SPON1: variants seen among roughly 807,000 people sequenced by gnomAD.
SPON1 encodes spondin-1.
In SPON1, 52 loss-of-function variants were observed where a neutral mutation model predicts 111.7. The observed-to-expected ratio is 0.47, with a 90% CI of 0.37 to 0.59. SPON1 has a LOEUF of 0.59. SPON1 is among the 20% of genes least tolerant of loss of function. The pLI is 0.00. For synonymous variants in SPON1, 410 were observed against 395.8 expected (o/e 1.04, Z -0.43); for missense variants, 957 against 1,068.5 (o/e 0.90, Z 1.46).
At chr11:14,224,956 T>C (rs1848721639) in intron 6 of SPON1, among the ~76,000 whole-genome samples, 1 of 152,184 alleles carries the variant, frequency 6.6e-6, no homozygotes, top group Non-Finnish European at 1.5e-5. Flanking sequence ...TTGGAGGCTC[T>C]TGCACTAATG....
intron 6 of SPON1, among the ~76,000 whole-genome samples, chr11:14,213,326 T>C (rs1223627818): frequency 2.0e-5 from 3 of 151,992 alleles, no homozygotes; most frequent in African/African-American, 7.2e-5. Flanking sequence ...TTCATTTGCC[T>C]GGAGCTAGTC....
intron 7 of SPON1, among the ~76,000 whole-genome samples, chr11:14,250,744 G>C (rs1849044626): frequency 6.6e-6 from 1 of 152,056 alleles, no homozygotes; most frequent in Non-Finnish European, 1.5e-5. Context: ...ATGACAGTTT[G>C]AACAAATTAA....
chr11:14,022,908 T>C (rs1171462446), intron 2 of SPON1, among the ~76,000 whole-genome samples: 1 of 152,216 alleles, frequency 6.6e-6, no homozygotes, highest in Non-Finnish European at 1.5e-5. Flanking sequence ...CAGGTTCATG[T>C]AGGTTCAACT....
At chr11:14,011,068 C>T (rs779339378) in intron 2 of SPON1, among the ~76,000 whole-genome samples, 5 of 151,986 alleles carry the variant, frequency 3.3e-5, no homozygotes, top group Non-Finnish European at 7.4e-5. Context: ...CAGGACAGAC[C>T]AGAACCAAAA....
At chr11:14,088,734 T>G (rs781887871) in intron 5 of SPON1, among the ~76,000 whole-genome samples, 1 of 152,194 alleles carries the variant, frequency 6.6e-6, no homozygotes, top group Non-Finnish European at 1.5e-5. Context: ...GTTTTCTAAC[T>G]TGGTTCCATT....
intron 2 of SPON1, among the ~76,000 whole-genome samples, chr11:14,007,333 T>C (rs782752042): frequency 5.9e-5 from 9 of 152,202 alleles, no homozygotes; most frequent in African/African-American, 2.2e-4. Context: ...CAATCAGCTG[T>C]CTGCAAGCTG....
chr11:14,164,296 C>A (rs1406882167), intron 6 of SPON1, among the ~76,000 whole-genome samples: 2 of 152,136 alleles, frequency 1.3e-5, no homozygotes. Flanking sequence ...CAGTATCAAT[C>A]CTCCCACTCC....
At chr11:13,997,478 C>G (rs974975927) in intron 2 of SPON1, among the ~76,000 whole-genome samples, 2 of 152,174 alleles carry the variant, frequency 1.3e-5, no homozygotes, top group Non-Finnish European at 1.5e-5. Flanking sequence ...AAATGCCCAA[C>G]ACAGTGCCTG....
At chr11:13,992,657 C>T (rs1290464082) in intron 2 of SPON1, among the ~76,000 whole-genome samples, 2 of 152,126 alleles carry the variant, frequency 1.3e-5, no homozygotes, top group Admixed American at 1.3e-4. Context: ...AATGGCCACC[C>T]GGTTTTGTGC....
chr11:14,257,592 C>A, intron 10 of SPON1, 124 bp from the exon 11 acceptor site: 1 of 829,532 alleles, frequency 1.2e-6, no homozygotes, highest in Non-Finnish European at 1.8e-6. Flanking sequence ...CCAGGAGCAC[C>A]CAGGCTCACT....
chr11:14,066,971 G>A (rs1467058507), intron 3 of SPON1, among the ~76,000 whole-genome samples: 7 of 151,936 alleles, frequency 4.6e-5, no homozygotes, highest in Non-Finnish European at 7.4e-5. Flanking sequence ...CCAGGAATTC[G>A]AGACCAGCCT....
intron 2 of SPON1, among the ~76,000 whole-genome samples, chr11:14,001,738 A>C (rs1848320662): frequency 6.6e-6 from 1 of 152,240 alleles, no homozygotes; most frequent in Admixed American, 6.5e-5. Context: ...GGAAAACCAA[A>C]GACAAAAATG....
chr11:14,152,349 A>G (rs1554929989), intron 6 of SPON1, among the ~76,000 whole-genome samples: 1 of 152,198 alleles, frequency 6.6e-6, no homozygotes, highest in East Asian at 1.9e-4. Flanking sequence ...TTTATCTTCT[A>G]TTCAAAGGCA....
chr11:14,087,240 G>A (rs1404122528), intron 5 of SPON1, among the ~76,000 whole-genome samples: 2 of 152,030 alleles, frequency 1.3e-5, no homozygotes, highest in African/African-American at 2.4e-5. Flanking sequence ...TGATGTTAGG[G>A]TATCGATTTT....
chr11:14,084,253 G>C (rs1011123597), intron 5 of SPON1, among the ~76,000 whole-genome samples: 1 of 151,704 alleles, frequency 6.6e-6, no homozygotes, highest in East Asian at 1.9e-4. Flanking sequence ...TAGGTTTTAC[G>C]TCCCACATGC....
chr11:14,206,421 G>A (rs1321068617), intron 6 of SPON1, among the ~76,000 whole-genome samples: 1 of 152,144 alleles, frequency 6.6e-6, no homozygotes, highest in African/African-American at 2.4e-5. Flanking sequence ...TCGAACTCCT[G>A]ACCTCGTGAT....
At chr11:14,092,365 A>AG (rs1352720678) in intron 5 of SPON1, among the ~76,000 whole-genome samples, 1 of 152,202 alleles carries the variant, frequency 6.6e-6, no homozygotes, top group Non-Finnish European at 1.5e-5. Context: ...TGGGGTTCCA[A>AG]GGGGTCTGTG....
At position 14,160,953 on chromosome 11, in the gene SPON1, T is replaced by TTA. The variant is rs1340480931; in HGVS notation, c.825+25393_825+25394dup. Among the ~76,000 whole-genome samples the TTA allele has an allele frequency of 6.5e-4, 15 of 23,010 alleles. 4 individuals carry two copies. Among genetic ancestry groups the TTA allele is most frequent in the South Asian group, 3.4e-3 (2 of 584 alleles). 15.1% of individuals were successfully genotyped at this position (23,010 alleles called of 152,430 possible). A position where few individuals can be genotyped will look rare whatever the true frequency, so the allele number is the denominator to read the frequency against. Reference sequence around the variant, plus strand: ...TATATTTATATATATATTTATATATTTATATATATTTATATATATTTTTAT... The same window carrying TTA: ...TATATTTATATATATATTTATATATTTATATATATATTTATATATATTTTTAT... On this transcript the variant is annotated intron_variant, in intron 6 of 15. Transcript: ENST00000576479.
intron 6 of SPON1, among the ~76,000 whole-genome samples, chr11:14,189,612 C>G (rs1848323356): frequency 6.6e-6 from 1 of 152,196 alleles, no homozygotes; most frequent in Non-Finnish European, 1.5e-5. Flanking sequence ...CTTCCCACTT[C>G]CAACTTCTTT....
Sources: allele counts gnomAD v4.1 joint callset (sites outside exome capture counted in the v4.1 genomes callset), GRCh38; gene constraint gnomAD v4.1.1; transcripts MANE v1.5; gene names NCBI Gene and HGNC (gene_info 2026-07-23, HGNC 2026-07-21).